Variants in VEZT observed in about 807,000 individuals in gnomAD.
The protein encoded by VEZT is vezatin.
Under a neutral mutation model 79.9 loss-of-function variants are expected in VEZT, and 39 were observed. That is an observed-to-expected ratio of 0.49 (90% confidence interval 0.38 to 0.64). The LOEUF is 0.64. Ranked by LOEUF, VEZT falls within the 30% of genes least tolerant of loss-of-function variation. The pLI is 0.00. For synonymous variants in VEZT, 325 were observed against 327.6 expected (o/e 0.99, Z 0.09); for missense variants, 837 against 893.1 (o/e 0.94, Z 0.80).
chr12:95,264,811 C>A (rs78897539), intron 4 of VEZT, among the ~76,000 whole-genome samples: 1 of 149,676 alleles, frequency 6.7e-6, no homozygotes, highest in East Asian at 2.0e-4. Context: ...CCAAATATTG[C>A]TGTTTTTCAG....
At chr12:95,264,688 C>G (rs999449757) in intron 4 of VEZT, among the ~76,000 whole-genome samples, 27 of 152,150 alleles carry the variant, frequency 1.8e-4, no homozygotes, top group African/African-American at 6.5e-4. Context: ...CTGCCTGCCT[C>G]AGCCTCCCAA....
At chr12:95,264,869 CTT>C (rs71078693) in intron 4 of VEZT, among the ~76,000 whole-genome samples, 15 of 113,354 alleles carry the variant, frequency 1.3e-4, no homozygotes, top group South Asian at 6.0e-4. Flanking sequence ...CTTTTCTTTT[CTT>C]TTTTTTTTTT....
At chr12:95,242,861 A>G (rs1202881910) in intron 1 of VEZT, among the ~76,000 whole-genome samples, 1 of 147,736 alleles carries the variant, frequency 6.8e-6, no homozygotes. Context: ...TGACAAGAGC[A>G]TAACTCCATC....
chr12:95,220,939 T>C (rs1047705780), intron 1 of VEZT, among the ~76,000 whole-genome samples: 2 of 152,212 alleles, frequency 1.3e-5, no homozygotes, highest in African/African-American at 4.8e-5. Context: ...GTTGTACCAG[T>C]TTATTCTCCA....
intron 1 of VEZT, among the ~76,000 whole-genome samples, chr12:95,250,776 A>G (rs1171565466): frequency 1.3e-5 from 2 of 149,564 alleles, no homozygotes; most frequent in Non-Finnish European, 3.0e-5. Flanking sequence ...CTGTTCTGAA[A>G]ATCTGTGCTG....
At position 95,257,133 on chromosome 12, in the gene VEZT, T is replaced by G. The variant is rs749754141; in HGVS notation, c.169-17T>G. ...ATGCTTTTAATAATCCTATACAATG[T>G]CATTCATTTCCTTCAGCAAGGTATC... On this transcript the variant is annotated splice_polypyrimidine_tract_variant and intron_variant, in intron 2 of 11. Coordinates refer to ENST00000436874, the MANE Select transcript of VEZT (RefSeq NM_017599.4). The G allele has an allele frequency of 6.3e-7, 1 of 1,596,652 alleles. No individual in the cohort carries two copies.
intron 3 of VEZT, among the ~76,000 whole-genome samples, chr12:95,259,370 T>C (rs1376269438): frequency 6.6e-6 from 1 of 152,210 alleles, no homozygotes; most frequent in East Asian, 1.9e-4. Context: ...TTCTTTATTG[T>C]TTCAGTTATT....
Position 95,270,062 on chromosome 12 carries a change from C to T in VEZT, c.722C>T (p.Ala241Val), listed in dbSNP as rs1274418107. The T allele has an allele frequency of 1.2e-6, 2 of 1,610,982 alleles. No homozygotes were observed. Among genetic ancestry groups the T allele is most frequent in the Non-Finnish European group, 1.7e-6 (2 of 1,178,668 alleles). ...AGTTTGCTTGACAGGGTCAGTGCTG[C>T]TTGCCCATTTAATAAAGCTGGACAG... The part of the protein sequence containing the change: ...ISRGFTLVSA[A>V]CPFNKAGQHP... The change falls in exon 6 of 12, where the codon GCT becomes GTT. Residue 241 changes from alanine to valine, a missense_variant. Coordinates refer to ENST00000436874, the MANE Select transcript of VEZT (RefSeq NM_017599.4).
intron 1 of VEZT, among the ~76,000 whole-genome samples, chr12:95,222,878 A>G (rs956699648): frequency 6.6e-6 from 1 of 152,230 alleles, no homozygotes; most frequent in Non-Finnish European, 1.5e-5. Flanking sequence ...ATTTTACAAA[A>G]TGAGAATTAT....
In VEZT at chr12:95,251,797, C is replaced by T. The variant is rs953494345; in HGVS notation, c.37-143C>T. 8.5e-6 allele frequency: 5 copies of T among 590,934 alleles called. No homozygotes were observed. In the African/African-American group the frequency reaches 9.5e-5, roughly 11 times the overall value. 36.6% of individuals were successfully genotyped at this position (590,934 alleles called of 1,614,324 possible). On this transcript the variant is annotated intron_variant, in intron 1 of 11. Transcript: ENST00000436874. ...TGTGTTAAATGGCATTGTATTATAA[C>T]AGATAATTCAGTTCTTATAGAAGAA... is the stretch of plus-strand genomic sequence containing the variant.
chr12:95,237,419 A>T (rs1215715962), intron 1 of VEZT, among the ~76,000 whole-genome samples: 1 of 152,134 alleles, frequency 6.6e-6, no homozygotes, highest in Non-Finnish European at 1.5e-5. Flanking sequence ...AACCAACCAG[A>T]TAGGAACTAC....
rs2075246530 is a variant in VEZT, at chr12:95,301,844, C to T, written c.*1171C>T. ...ACATTCAAATTCCTGTAACTTATCA[C>T]TTTCAGTGAGTAAATTTACTTATAC... On this transcript the variant is annotated 3_prime_UTR_variant, in exon 12 of 12. Transcript: ENST00000436874. 10 of 152,160 alleles carry T rather than the reference C, an allele frequency of 6.6e-5. No homozygotes were observed. In the South Asian group the frequency reaches 1.9e-3, roughly 28 times the overall value. 9.4% of individuals were successfully genotyped at this position (152,160 alleles called of 1,614,324 possible). A position where few individuals can be genotyped will look rare whatever the true frequency, so the allele number is the denominator to read the frequency against.
chr12:95,237,979 A>C (rs1463762296), intron 1 of VEZT, among the ~76,000 whole-genome samples: 1 of 152,220 alleles, frequency 6.6e-6, no homozygotes, highest in Non-Finnish European at 1.5e-5. Context: ...CCACCAATGG[A>C]AGGGGACAAT....
At chr12:95,248,157 A>G (rs915625187) in intron 1 of VEZT, among the ~76,000 whole-genome samples, 2 of 152,236 alleles carry the variant, frequency 1.3e-5, no homozygotes, top group Non-Finnish European at 1.5e-5. Flanking sequence ...GGAATCACTC[A>G]TAGTTATATA....
intron 9 of VEZT, 115 bp from the exon 10 acceptor site, chr12:95,294,157 G>A: frequency 1.3e-6 from 1 of 768,174 alleles, no homozygotes; most frequent in Non-Finnish European, 2.1e-6. Flanking sequence ...GAAGTGCTGG[G>A]ATTACAGGCA....
rs556342474 is a variant in VEZT at position 95,291,773 on chromosome 12, T to A, written c.1523-2499T>A. ...TGTAATTAAAAATCTGGTGGGTTTT[T>A]AAAATTTTTTTAGGCTTTTTGTGTT... On this transcript the variant is annotated intron_variant, in intron 9 of 11. Transcript: ENST00000436874. 7.9e-5 allele frequency among the ~76,000 whole-genome samples: 12 copies of A among 152,330 alleles called. No individual in the cohort carries two copies. The East Asian group carries it at 2.1e-3, about 27-fold the overall frequency.
At chr12:95,259,230 C>T (rs1041763720) in intron 3 of VEZT, among the ~76,000 whole-genome samples, 2 of 150,304 alleles carry the variant, frequency 1.3e-5, no homozygotes, top group Admixed American at 1.3e-4. Context: ...TTTCAATAAG[C>T]ACTCCTAGCT....
At chr12:95,283,186 A>G (rs1280478765) in intron 8 of VEZT, among the ~76,000 whole-genome samples, 1 of 152,170 alleles carries the variant, frequency 6.6e-6, no homozygotes, top group Non-Finnish European at 1.5e-5. Flanking sequence ...TTCATTTCCT[A>G]CCTTGCATGA....
intron 1 of VEZT, among the ~76,000 whole-genome samples, chr12:95,249,692 A>G (rs2062217254): frequency 6.6e-6 from 1 of 152,112 alleles, no homozygotes. Context: ...GTCTTGGTCT[A>G]TCTTAGGTAT....
Sources: gnomAD v4.1 joint callset for allele counts (sites outside exome capture counted in the v4.1 genomes callset) on GRCh38, gnomAD v4.1.1 for gene constraint, MANE v1.5 for transcripts, NCBI Gene and HGNC (gene_info 2026-07-23, HGNC 2026-07-21) for gene names.